ETNK1: variants seen among roughly 807,000 people sequenced by gnomAD.
ETNK1 encodes the protein ethanolamine kinase 1.
In ETNK1, 8 loss-of-function variants were observed where a neutral mutation model predicts 45.1. That is an observed-to-expected ratio of 0.18 (90% CI 0.10 to 0.32). ETNK1 has a LOEUF of 0.32. Ranked by LOEUF, ETNK1 falls within the 10% of genes least tolerant of loss-of-function variation. The pLI is 1.00. For missense variants in ETNK1, 302 were observed against 430.6 expected (o/e 0.70, Z 2.64); for synonymous variants, 152 against 151.9 (o/e 1.00, Z -0.01).
intron 2 of ETNK1, among the ~76,000 whole-genome samples, chr12:22,658,096 T>C (rs547260193): frequency 6.6e-6 from 1 of 152,104 alleles, no homozygotes; most frequent in Non-Finnish European, 1.5e-5. Context: ...CTGTGTAATT[T>C]GTTTTGAAGT....
chr12:22,680,479 A>G (rs1457261125), intron 6 of ETNK1, among the ~76,000 whole-genome samples: 2 of 152,118 alleles, frequency 1.3e-5, no homozygotes, highest in East Asian at 1.9e-4. Context: ...CACACGTCCT[A>G]CTTCTGCTCT....
Position 22,671,278 on chromosome 12 carries a change from T to C in ETNK1, c.707T>C (p.Val236Ala). 6.2e-7 allele frequency: 1 copy of C among 1,600,848 alleles called. No homozygotes were observed. Among genetic ancestry groups the C allele is most frequent in the African/African-American group, 1.3e-5 (1 of 74,838 alleles). ...NIIYNEKQGD[V>A]QFIDYEYSGY... ...GTTTTTGTGTCTCACATAGGTGATG[T>C]ACAGTTCATTGATTATGAATATTCT... The change falls in exon 5 of 8, where the codon GTA becomes GCA. Residue 236 changes from valine (V) to alanine (A), a missense_variant. Physicochemically the swap from Val to Ala is moderately conservative, Grantham distance 64. This residue lies in a region of ETNK1 where 94 missense variants were observed against 152.9 expected (regional missense o/e 0.61). Coordinates refer to ENST00000266517, the MANE Select transcript of ETNK1 (RefSeq NM_018638.5).
intron 1 of ETNK1, among the ~76,000 whole-genome samples, chr12:22,632,884 C>G (rs1953598816): frequency 6.6e-6 from 1 of 152,058 alleles, no homozygotes; most frequent in Non-Finnish European, 1.5e-5. Context: ...TTGGCGTATG[C>G]CCAGATTTTG....
At chr12:22,677,554 A>G (rs1452425114) in intron 6 of ETNK1, among the ~76,000 whole-genome samples, 2 of 152,214 alleles carry the variant, frequency 1.3e-5, no homozygotes, top group Non-Finnish European at 2.9e-5. Context: ...AAGAAAGTCA[A>G]TGGAAGCTTG....
rs1954274591 is a variant in ETNK1, at chr12:22,688,052, TTA to T, written c.*3099_*3100del. 6.6e-6 allele frequency: 1 copy of T among 152,200 alleles called. No homozygotes were observed. Among genetic ancestry groups the T allele is most frequent in the African/African-American group, 2.4e-5 (1 of 41,402 alleles). 9.4% of individuals were successfully genotyped at this position (152,200 alleles called of 1,614,324 possible). The stretch of plus-strand genomic sequence containing the variant: ...AGCAGTGAATTTATACACTGTTATA[TTA>T]ATAGAGCTCCGTTCTTTGAGTCATG... On this transcript the variant is annotated 3_prime_UTR_variant, in exon 8 of 8. Transcript: ENST00000266517.
At chr12:22,639,616 G>T (rs988656837) in intron 1 of ETNK1, among the ~76,000 whole-genome samples, 1 of 152,112 alleles carries the variant, frequency 6.6e-6, no homozygotes, top group Non-Finnish European at 1.5e-5. Flanking sequence ...GGCGGAGGTT[G>T]CAGTGAGCCG....
chr12:22,633,177 T>A (rs1490339936), intron 1 of ETNK1, among the ~76,000 whole-genome samples: 3 of 152,146 alleles, frequency 2.0e-5, no homozygotes, highest in Non-Finnish European at 4.4e-5. Flanking sequence ...ATTGTCCCGG[T>A]TTATATTCCT....
chr12:22,663,146 T>C (rs1954023471), intron 4 of ETNK1, among the ~76,000 whole-genome samples: 2 of 152,194 alleles, frequency 1.3e-5, no homozygotes, highest in Non-Finnish European at 2.9e-5. Context: ...TTGTCTGTTA[T>C]ATATAATTAT....
Position 22,673,679 on chromosome 12 carries a change from A to T in ETNK1, c.945+19A>T, listed in dbSNP as rs776949956. ...TGCATTGGTAAGTTTAAATGTACAC[A>T]ATTAATGAAAGGTTCTTACTGTAAT... is the stretch of plus-strand genomic sequence containing the variant. On this transcript the variant is annotated intron_variant, in intron 6 of 7. Coordinates refer to ENST00000266517, the MANE Select transcript of ETNK1 (RefSeq NM_018638.5). 2 of 1,587,884 alleles carry T rather than the reference A, an allele frequency of 1.3e-6. No individual in the cohort carries two copies. The highest frequency in any genetic ancestry group is 1.7e-6 in the Non-Finnish European group (2 of 1,162,696).
intron 1 of ETNK1, among the ~76,000 whole-genome samples, chr12:22,637,586 A>T (rs1953671918): frequency 1.3e-5 from 2 of 152,294 alleles, no homozygotes; most frequent in Middle Eastern, 3.4e-3. Context: ...TTTTTTGCTG[A>T]CTTGGATTCC....
chr12:22,640,079 G>A (rs891871774), intron 1 of ETNK1, among the ~76,000 whole-genome samples: 3 of 151,990 alleles, frequency 2.0e-5, no homozygotes, highest in African/African-American at 4.8e-5. Flanking sequence ...GTAGACCCTT[G>A]GGTTGTTGGA....
chr12:22,662,408 T>TTA (rs1466429982), intron 4 of ETNK1, among the ~76,000 whole-genome samples: 3 of 147,540 alleles, frequency 2.0e-5, no homozygotes, highest in Non-Finnish European at 4.5e-5. Context: ...TTTTTTTTTT[T>TTA]TAAGTGACTG....
intron 2 of ETNK1, among the ~76,000 whole-genome samples, chr12:22,646,012 G>A (rs1372810286): frequency 1.3e-5 from 2 of 151,884 alleles, no homozygotes; most frequent in East Asian, 3.9e-4. Context: ...ACATTGAATT[G>A]CCCCACAGTT....
At chr12:22,677,329 G>T (rs987645507) in intron 6 of ETNK1, among the ~76,000 whole-genome samples, 8 of 152,110 alleles carry the variant, frequency 5.3e-5, no homozygotes, top group African/African-American at 1.9e-4. Flanking sequence ...TAGATGTGTG[G>T]TGTTATTTCT....
At chr12:22,680,717 A>G (rs1402213217) in intron 6 of ETNK1, among the ~76,000 whole-genome samples, 1 of 152,230 alleles carries the variant, frequency 6.6e-6, no homozygotes, top group Non-Finnish European at 1.5e-5. Flanking sequence ...ATGTTTTGAA[A>G]TAGTATAAAT....
intron 6 of ETNK1, among the ~76,000 whole-genome samples, chr12:22,683,388 T>G (rs142350302): frequency 6.6e-6 from 1 of 152,126 alleles, no homozygotes; most frequent in East Asian, 1.9e-4. Flanking sequence ...GCTGAATAGT[T>G]AGTGGTATTT....
At chr12:22,665,552 A>G (rs1265702569) in intron 4 of ETNK1, among the ~76,000 whole-genome samples, 1 of 152,118 alleles carries the variant, frequency 6.6e-6, no homozygotes, top group African/African-American at 2.4e-5. Context: ...GTAAGGGGCT[A>G]TGTAGTACAA....
intron 3 of ETNK1, among the ~76,000 whole-genome samples, chr12:22,660,052 A>G (rs951399401): frequency 6.6e-6 from 1 of 151,764 alleles, no homozygotes; most frequent in Non-Finnish European, 1.5e-5. Flanking sequence ...AAAAAAAAAA[A>G]AAACACCGCA....
chr12:22,639,146 TAGAA>T (rs1490655178), intron 1 of ETNK1, among the ~76,000 whole-genome samples: 3 of 152,244 alleles, frequency 2.0e-5, no homozygotes, highest in Admixed American at 2.0e-4. Flanking sequence ...GGCGTTTGTG[TAGAA>T]AGACCTACAT....
Sources: gnomAD v4.1 joint callset for allele counts (sites outside exome capture counted in the v4.1 genomes callset) on GRCh38, gnomAD v4.1.1 for gene constraint, gnomAD v4.1.1 regional missense constraint, MANE v1.5 for transcripts, NCBI Gene and HGNC (gene_info 2026-07-23, HGNC 2026-07-21) for gene names.